The following VIRMA variants were observed in gnomAD, a reference collection of about 807,000 sequenced individuals.
VIRMA encodes protein virilizer homolog.
VIRMA carries 65 observed loss-of-function variants against 182.4 expected under a neutral mutation model. The observed-to-expected ratio is 0.36, with a 90% CI of 0.29 to 0.44. The LOEUF is 0.44. Among genes scored for constraint, VIRMA ranks in the 20% least tolerant of loss-of-function variants. The pLI is 1.00. For synonymous variants in VIRMA, 709 were observed against 743.1 expected (o/e 0.95, Z 0.75); for missense variants, 1,752 against 2,158.1 (o/e 0.81, Z 3.73).
rs75351432 is a variant in VIRMA at position 94,546,530 on chromosome 8, T to C, written c.64-2588A>G. On this transcript the variant is annotated intron_variant, in intron 1 of 23. Transcript: ENST00000297591. ...AATATGAATTACAGCAATAGGATCCTAATTGATTTTGTGCTTCTTTTTTAA... is the reference window on the plus strand; with the variant it reads ...AATATGAATTACAGCAATAGGATCCCAATTGATTTTGTGCTTCTTTTTTAA... Among the ~76,000 whole-genome samples, 68 of 151,358 alleles carry C rather than the reference T, an allele frequency of 4.5e-4. 5 individuals carry two copies. The highest frequency in any genetic ancestry group is 1.6e-3 in the African/African-American group (64 of 40,630).
At chr8:94,545,583 C>A (rs1815730229) in intron 1 of VIRMA, among the ~76,000 whole-genome samples, 1 of 152,174 alleles carries the variant, frequency 6.6e-6, no homozygotes, top group Admixed American at 6.5e-5. Flanking sequence ...AAGACATAAT[C>A]TCTGCCATTA....
At chr8:94,507,940 T>TATAC (rs1814226456) in intron 15 of VIRMA, among the ~76,000 whole-genome samples, 4 of 81,872 alleles carry the variant, frequency 4.9e-5, no homozygotes, top group South Asian at 1.2e-3. Flanking sequence ...TACATATGTG[T>TATAC]ATATGTGTAT....
intron 21 of VIRMA, 125 bp from the exon 22 acceptor site, chr8:94,492,034 C>T: frequency 1.5e-6 from 1 of 652,212 alleles, no homozygotes; most frequent in Non-Finnish European, 2.5e-6. Context: ...TTGCAAGTAT[C>T]TATCATACTT....
At chr8:94,534,102 A>G (rs997857059) in intron 5 of VIRMA, 2 of 152,242 alleles carry the variant, frequency 1.3e-5, no homozygotes. Context: ...CCAGCTGCCT[A>G]TCTTCTGAAA....
intron 16 of VIRMA, among the ~76,000 whole-genome samples, chr8:94,500,655 CTTTTTTTTT>C (rs11312961): frequency 7.9e-6 from 1 of 126,716 alleles, no homozygotes; most frequent in Admixed American, 8.1e-5. Flanking sequence ...TCGGTAGTTT[CTTTTTTTTT>C]TTTTTTTTTG....
chr8:94,541,337 T>C (rs1361257631), intron 2 of VIRMA, among the ~76,000 whole-genome samples: 3 of 152,020 alleles, frequency 2.0e-5, no homozygotes, highest in Admixed American at 6.6e-5. Context: ...TGGTCTCAAG[T>C]GATCCTCCTG....
At chr8:94,544,514 A>G (rs1194236627) in intron 1 of VIRMA, among the ~76,000 whole-genome samples, 1 of 151,804 alleles carries the variant, frequency 6.6e-6, no homozygotes, top group African/African-American at 2.4e-5. Context: ...ACAAAAAATT[A>G]GCCGGGTGCA....
rs1815411447 is a variant in VIRMA, at chr8:94,538,269, C to T, written c.257G>A (p.Arg86Lys). ...CCTAGCAGGTACATACCTTCCCAAC[C>T]TATCGAAAACAGGGGCACTTGGTTT... ...VSKPSAPVFD[R>K]LGSLEYDENT... Residue 86 changes from arginine to lysine, a missense_variant, in exon 3 of 24, where the codon AGG (arginine) becomes AAG (lysine). Physicochemically the swap from Arg to Lys is conservative, Grantham distance 26 (BLOSUM62 2). Transcript: ENST00000297591. 1.9e-6 allele frequency: 3 copies of T among 1,610,242 alleles called. No homozygotes were observed. Among genetic ancestry groups the T allele is most frequent in the Non-Finnish European group, 2.5e-6 (3 of 1,176,716 alleles).
Position 94,520,820 on chromosome 8 carries a change from C to T in VIRMA, c.2022-1344G>A, listed in dbSNP as rs186377011. On this transcript the variant is annotated intron_variant, in intron 8 of 23. Coordinates refer to ENST00000297591, the MANE Select transcript of VIRMA (RefSeq NM_015496.5). ...AAATATAGTATACTCAGATTTACTA[C>T]AGTAGACTGAATTAGTATCTCTAGG... Among the ~76,000 whole-genome samples, 188 of 152,224 alleles carry T rather than the reference C, an allele frequency of 1.2e-3. 2 individuals are homozygous for T. The highest frequency in any genetic ancestry group is 4.4e-3 in the African/African-American group (181 of 41,544).
chr8:94,521,723 C>G (rs1000954920), intron 8 of VIRMA, among the ~76,000 whole-genome samples: 2 of 152,124 alleles, frequency 1.3e-5, no homozygotes, highest in Non-Finnish European at 2.9e-5. Flanking sequence ...AAAGCTGAAA[C>G]TGCTTCTTCA....
intron 8 of VIRMA, among the ~76,000 whole-genome samples, chr8:94,525,567 C>A (rs1814931862): frequency 6.6e-6 from 1 of 152,150 alleles, no homozygotes; most frequent in African/African-American, 2.4e-5. Flanking sequence ...TATGCTCCAT[C>A]CAAATCAATG....
At chr8:94,549,995 G>GC (rs1457507979) in intron 1 of VIRMA, among the ~76,000 whole-genome samples, 1 of 152,030 alleles carries the variant, frequency 6.6e-6, no homozygotes, top group East Asian at 1.9e-4. Flanking sequence ...TACTCGGGAG[G>GC]CTGAGATGGA....
chr8:94,490,169 AG>A, intron 22 of VIRMA, 87 bp from the exon 23 acceptor site: 1 of 1,405,256 alleles, frequency 7.1e-7, no homozygotes. Flanking sequence ...AATCTTCAAA[AG>A]AATGGAAAAG....
At chr8:94,510,828 A>C in intron 13 of VIRMA, 176 bp from the exon 14 acceptor site, 2 of 780,486 alleles carry the variant, frequency 2.6e-6, no homozygotes, top group Non-Finnish European at 4.0e-6. Flanking sequence ...AAAAAATCTT[A>C]TTGTTCTCAG....
chr8:94,517,225 T>C (rs917023512), intron 10 of VIRMA, among the ~76,000 whole-genome samples: 6 of 152,178 alleles, frequency 3.9e-5, no homozygotes, highest in Non-Finnish European at 8.8e-5. Context: ...TTTTTTGAGA[T>C]GGAGTCTTGC....
At chr8:94,521,126 G>T (rs567064699) in intron 8 of VIRMA, among the ~76,000 whole-genome samples, 1 of 151,760 alleles carries the variant, frequency 6.6e-6, no homozygotes, top group Non-Finnish European at 1.5e-5. Context: ...TGCCATGGTG[G>T]TTTGCTGCAC....
chr8:94,505,175 C>A (rs1487035676), intron 16 of VIRMA, among the ~76,000 whole-genome samples: 10 of 151,928 alleles, frequency 6.6e-5, no homozygotes, highest in Non-Finnish European at 1.2e-4. Context: ...CAACTGAGAG[C>A]GAATACAGAA....
intron 20 of VIRMA, 68 bp downstream of exon 20, chr8:94,494,792 T>C: frequency 1.1e-6 from 1 of 950,374 alleles, no homozygotes; most frequent in Non-Finnish European, 1.6e-6. Context: ...ACTATTATAA[T>C]GCTAACAATA....
At chr8:94,496,507 T>C (rs750590650) in intron 17 of VIRMA, 27 bp from the exon 18 acceptor site, 3 of 1,587,970 alleles carry the variant, frequency 1.9e-6, no homozygotes, top group Non-Finnish European at 2.6e-6. Flanking sequence ...TAAGTTAAAT[T>C]TGAGAACAGA....
Sources: gnomAD v4.1 joint callset for allele counts (sites outside exome capture counted in the v4.1 genomes callset) on GRCh38, gnomAD v4.1.1 for gene constraint, MANE v1.5 for transcripts, NCBI Gene and HGNC (gene_info 2026-07-23, HGNC 2026-07-21) for gene names.